Variants in CCDC192 observed in about 807,000 individuals in gnomAD.
The protein encoded by CCDC192 is coiled-coil domain containing 192.
At chr5:127,735,862 T>G (rs889723104) in intron 2 of CCDC192, among the ~76,000 whole-genome samples, 2 of 137,710 alleles carry the variant, frequency 1.5e-5, no homozygotes, top group Non-Finnish European at 3.0e-5. Flanking sequence ...TATACAATCA[T>G]GTCTTCTGCA....
chr5:127,757,110 A>C (rs992703271), intron 3 of CCDC192, among the ~76,000 whole-genome samples: 12 of 152,244 alleles, frequency 7.9e-5, no homozygotes, highest in Non-Finnish European at 8.8e-5. Flanking sequence ...TGGGAAAGAC[A>C]TGTAAGCCAG....
At chr5:127,876,314 C>T (rs1421748) in intron 6 of CCDC192, among the ~76,000 whole-genome samples, 98,132 of 151,610 alleles carry the variant, frequency 0.65, 31,770 homozygotes, top group Non-Finnish European at 0.68. Context: ...ACAATTAATA[C>T]AGTGCTATGG....
At chr5:127,743,986 C>T (rs914259815) in intron 2 of CCDC192, among the ~76,000 whole-genome samples, 3 of 148,124 alleles carry the variant, frequency 2.0e-5, no homozygotes, top group East Asian at 2.1e-4. Flanking sequence ...CCCAGCTACT[C>T]GGGAGGCTGA....
intron 5 of CCDC192, among the ~76,000 whole-genome samples, chr5:127,831,117 C>A (rs974332657): frequency 6.6e-6 from 1 of 152,136 alleles, no homozygotes; most frequent in African/African-American, 2.4e-5. Flanking sequence ...TGGAGACATT[C>A]TAATTCCAGT....
At chr5:127,786,680 C>T in intron 3 of CCDC192, 1 of 759,748 alleles carries the variant, frequency 1.3e-6, no homozygotes, top group Non-Finnish European at 2.5e-6. Context: ...AGTAATCTTC[C>T]CATTGTTGAG....
chr5:127,918,897 ATGTT>A (rs1224779965), intron 6 of CCDC192, among the ~76,000 whole-genome samples: 1 of 150,586 alleles, frequency 6.6e-6, no homozygotes, highest in Non-Finnish European at 1.5e-5. Context: ...ATGCATGTGT[ATGTT>A]TATGTTTGCA....
chr5:127,831,504 CA>C lies in CCDC192; in HGVS notation c.411+33344del, dbSNP rs547895888. On this transcript the variant is annotated intron_variant, in intron 5 of 6. Transcript: ENST00000514853. ...ACATTACTTTCTTCCCAACAAAATT[CA>C]ATGCCTATATTGTGTGTGTGTGTTT... Among the ~76,000 whole-genome samples the C allele has an allele frequency of 2.6e-3, 391 of 152,038 alleles. 3 individuals are homozygous for C. The highest frequency in any genetic ancestry group is 8.9e-3 in the African/African-American group (369 of 41,464).
At chr5:127,773,960 A>G (rs1755708017) in intron 3 of CCDC192, among the ~76,000 whole-genome samples, 1 of 152,172 alleles carries the variant, frequency 6.6e-6, no homozygotes, top group African/African-American at 2.4e-5. Flanking sequence ...TCATAATAGT[A>G]GGTATGAAGT....
At chr5:127,713,550 T>C (rs923118576) in intron 2 of CCDC192, among the ~76,000 whole-genome samples, 1 of 152,084 alleles carries the variant, frequency 6.6e-6, no homozygotes, top group African/African-American at 2.4e-5. Context: ...TGAACAGAAG[T>C]TTTTTATTTT....
chr5:127,785,074 T>C (rs528848555), intron 3 of CCDC192: 2 of 512,244 alleles, frequency 3.9e-6, no homozygotes, highest in South Asian at 2.9e-5. Context: ...AGTCAGCTGC[T>C]GTACAGTGTA....
intron 6 of CCDC192, among the ~76,000 whole-genome samples, chr5:127,893,784 A>G (rs1477178221): frequency 6.6e-6 from 1 of 152,036 alleles, no homozygotes; most frequent in East Asian, 1.9e-4. Context: ...TCAATGTTGC[A>G]TATATATATA....
chr5:127,891,523 G>C (rs1311466057), intron 6 of CCDC192, among the ~76,000 whole-genome samples: 2 of 152,006 alleles, frequency 1.3e-5, no homozygotes, highest in Non-Finnish European at 2.9e-5. Context: ...AAGGTCTCTC[G>C]TTCCACCTAG....
chr5:127,707,624 T>A (rs1373686270), intron 1 of CCDC192, 85 bp from the exon 2 acceptor site: 1 of 395,218 alleles, frequency 2.5e-6, no homozygotes, highest in Admixed American at 4.4e-5. Flanking sequence ...TGTAATGATC[T>A]ATTCATTGTA....
intron 5 of CCDC192, among the ~76,000 whole-genome samples, chr5:127,868,447 A>G (rs1751705386): frequency 6.6e-6 from 1 of 152,194 alleles, no homozygotes; most frequent in Admixed American, 6.5e-5. Context: ...GTCCTCTAAG[A>G]GGGCATCCAA....
chr5:127,927,937 CTTTTT>C (rs1271788889), intron 6 of CCDC192, among the ~76,000 whole-genome samples: 1 of 117,720 alleles, frequency 8.5e-6, no homozygotes, highest in African/African-American at 3.3e-5. Flanking sequence ...TCTTATAGTT[CTTTTT>C]TTTTTTTTTT....
chr5:127,734,702 T>G (rs759334791), intron 2 of CCDC192, among the ~76,000 whole-genome samples: 3,197 of 145,586 alleles, frequency 0.022, 61 homozygotes, highest in African/African-American at 0.06. Context: ...TTTTCATGTG[T>G]TTTTTGGCTG....
chr5:127,730,076 T>C (rs190781441), intron 2 of CCDC192, among the ~76,000 whole-genome samples: 9 of 151,754 alleles, frequency 5.9e-5, no homozygotes, highest in Non-Finnish European at 1.5e-5. Flanking sequence ...AATCAATTAA[T>C]CCAGGACCTG....
intron 5 of CCDC192, among the ~76,000 whole-genome samples, chr5:127,836,653 T>C (rs1239664908): frequency 5.5e-5 from 1 of 18,132 alleles, no homozygotes. Flanking sequence ...CTCAACACCA[T>C]GTGTAAGCCA....
intron 5 of CCDC192, among the ~76,000 whole-genome samples, chr5:127,810,339 A>T (rs1160833772): frequency 6.6e-6 from 1 of 152,150 alleles, no homozygotes. Flanking sequence ...GGTCATCTCT[A>T]TCCCAATTGG....
Sources: gnomAD v4.1 joint callset for allele counts (sites outside exome capture counted in the v4.1 genomes callset) on GRCh38, gnomAD v4.1.1 for gene constraint, MANE v1.5 for transcripts, NCBI Gene and HGNC (gene_info 2026-07-23, HGNC 2026-07-21) for gene names.